DIXDC1: variants seen among roughly 807,000 people sequenced by gnomAD.
The protein encoded by DIXDC1 is DIX domain containing 1.
DIXDC1 carries 64 observed loss-of-function variants against 103.1 expected under a neutral mutation model. That is an observed-to-expected ratio of 0.62 (90% confidence interval 0.51 to 0.76). The LOEUF (loss-of-function observed/expected upper bound fraction) is 0.76. Among genes scored for constraint, DIXDC1 ranks in the 30% least tolerant of loss-of-function variants. The pLI, the probability that DIXDC1 is intolerant of heterozygous loss-of-function variation, is 0.00. For synonymous variants in DIXDC1, 266 were observed against 298.5 expected (o/e 0.89, Z 1.12); for missense variants, 759 against 834.2 (o/e 0.91, Z 1.11).
intron 15 of DIXDC1, 127 bp from the exon 16 acceptor site, chr11:111,995,276 G>A: frequency 1.4e-6 from 2 of 1,380,346 alleles, no homozygotes; most frequent in Non-Finnish European, 9.9e-7. Flanking sequence ...AAGAATTAGT[G>A]GGCAAACCAT....
chr11:112,016,780 G>A lies in DIXDC1; in HGVS notation c.1846G>A (p.Val616Ile), dbSNP rs1861604178. The A allele has an allele frequency of 6.2e-7, 1 of 1,606,322 alleles. No individual in the cohort carries two copies. Among genetic ancestry groups the A allele is most frequent in the Admixed American group, 1.7e-5 (1 of 59,118 alleles). Residue 616 changes from valine to isoleucine, a missense_variant, in exon 18 of 20, where the codon GTC (valine) becomes ATC (isoleucine). Physicochemically the swap from Val to Ile is conservative, Grantham distance 29. This residue lies in a region of DIXDC1 where 657 missense variants were observed against 727.5 expected (regional missense o/e 0.90). Transcript: ENST00000440460. ...TGACCGGTCACTTACGCCCTTCATG[G>A]TCAATATACCAAAGAGGTGAGATTC... ...FTDRSLTPFM[V>I]NIPKRLEEVT...
intron 5 of DIXDC1, among the ~76,000 whole-genome samples, chr11:111,980,505 G>A (rs1860261272): frequency 6.6e-6 from 1 of 152,194 alleles, no homozygotes; most frequent in Non-Finnish European, 1.5e-5. Flanking sequence ...CATCCTTGTT[G>A]TGGGAGAGAC....
intron 17 of DIXDC1, among the ~76,000 whole-genome samples, chr11:112,001,286 G>A (rs1368658325): frequency 6.6e-6 from 1 of 152,200 alleles, no homozygotes; most frequent in Non-Finnish European, 1.5e-5. Flanking sequence ...TTAGCCAGAT[G>A]CCAGGGTCAG....
At chr11:112,004,026 TTATATATATATA>T (rs34490826) in intron 17 of DIXDC1, among the ~76,000 whole-genome samples, 2 of 128,500 alleles carry the variant, frequency 1.6e-5, no homozygotes, top group East Asian at 4.4e-4. Context: ...AAAAAAAAAA[TTATATATATATA>T]TATATATATA....
At chr11:111,932,163 TG>T (rs1966043411) in intron 2 of DIXDC1, among the ~76,000 whole-genome samples, 1 of 151,032 alleles carries the variant, frequency 6.6e-6, no homozygotes, top group South Asian at 2.1e-4. Flanking sequence ...CCAGAGCAGC[TG>T]GGACTACAGG....
chr11:111,943,115 A>G (rs1319581310), intron 1 of DIXDC1, among the ~76,000 whole-genome samples: 1 of 152,028 alleles, frequency 6.6e-6, no homozygotes, highest in Non-Finnish European at 1.5e-5. Flanking sequence ...TGGACAATTT[A>G]TTTATTTTTT....
chr11:111,965,856 T>C (rs1859709957), intron 2 of DIXDC1, among the ~76,000 whole-genome samples: 1 of 152,228 alleles, frequency 6.6e-6, no homozygotes, highest in Non-Finnish European at 1.5e-5. Flanking sequence ...TAAGCAACTT[T>C]ACAAAGTCAC....
chr11:111,953,896 C>T (rs1966861007), intron 1 of DIXDC1, among the ~76,000 whole-genome samples: 1 of 151,992 alleles, frequency 6.6e-6, no homozygotes, highest in Non-Finnish European at 1.5e-5. Context: ...GTGGATTCAA[C>T]AAACTGCAGA....
At position 111,977,638 on chromosome 11, in the gene DIXDC1, G is replaced by A. The variant is rs1860156873; in HGVS notation, c.656+2655G>A. On this transcript the variant is annotated intron_variant, in intron 5 of 19. Transcript: ENST00000440460. The surrounding 1 kb of genome is among the most constrained non-coding windows in gnomAD (Gnocchi z 6.1). Reference sequence around the variant, plus strand: ...GCGAGCCGGGCCAGTAGCTTTGCTAGCTGGCCTTCCCGTGGAGGCGTTTTC... The same window carrying A: ...GCGAGCCGGGCCAGTAGCTTTGCTAACTGGCCTTCCCGTGGAGGCGTTTTC... 1.9e-6 allele frequency: 3 copies of A among 1,544,386 alleles called. No homozygotes were observed. The highest frequency in any genetic ancestry group is 2.6e-6 in the Non-Finnish European group (3 of 1,144,156).
chr11:111,940,370 T>C (rs1277327800), intron 1 of DIXDC1, among the ~76,000 whole-genome samples: 1 of 152,254 alleles, frequency 6.6e-6, no homozygotes, highest in Non-Finnish European at 1.5e-5. Flanking sequence ...ACTGCCACCC[T>C]GGCTGTCATC....
intron 1 of DIXDC1, chr11:111,927,430 T>C (rs1965860447): frequency 6.6e-6 from 1 of 152,574 alleles, no homozygotes; most frequent in Non-Finnish European, 1.5e-5. Flanking sequence ...ATTACCCAAG[T>C]TGATCATCCA....
intron 17 of DIXDC1, among the ~76,000 whole-genome samples, chr11:112,004,487 A>G (rs1345049520): frequency 6.6e-6 from 1 of 152,154 alleles, no homozygotes; most frequent in Non-Finnish European, 1.5e-5. Flanking sequence ...ACTATCTTGG[A>G]CTCAGATTGT....
chr11:111,969,605 G>A (rs1859845662), intron 3 of DIXDC1, among the ~76,000 whole-genome samples: 1 of 152,158 alleles, frequency 6.6e-6, no homozygotes, highest in Admixed American at 6.5e-5. Context: ...TTCTTAGAGA[G>A]CATAGGCTCC....
At chr11:111,953,335 T>C (rs1190249832) in intron 1 of DIXDC1, among the ~76,000 whole-genome samples, 1 of 152,030 alleles carries the variant, frequency 6.6e-6, no homozygotes, top group Non-Finnish European at 1.5e-5. Flanking sequence ...ATCCAAAAAA[T>C]AAATAATTAA....
At chr11:111,966,630 C>G (rs587703551) in intron 2 of DIXDC1, among the ~76,000 whole-genome samples, 9 of 152,226 alleles carry the variant, frequency 5.9e-5, no homozygotes, top group African/African-American at 2.2e-4. Context: ...GTCTCGATCT[C>G]TTGACCTCGT....
intron 8 of DIXDC1, among the ~76,000 whole-genome samples, chr11:111,986,035 T>C (rs1860478493): frequency 6.6e-6 from 1 of 152,212 alleles, no homozygotes; most frequent in South Asian, 2.1e-4. Flanking sequence ...CCAGTTTACA[T>C]TTCTAATTTC....
At chr11:111,989,168 T>G in intron 10 of DIXDC1, 113 bp downstream of exon 10, 1 of 823,870 alleles carries the variant, frequency 1.2e-6, no homozygotes. Flanking sequence ...TCTGTGCTAT[T>G]GGTAAAGAAA....
chr11:111,944,367 A>G (rs1555169178), intron 1 of DIXDC1, among the ~76,000 whole-genome samples: 1 of 152,170 alleles, frequency 6.6e-6, no homozygotes, highest in Non-Finnish European at 1.5e-5. Flanking sequence ...GATACCACAT[A>G]CTTCCCTGGT....
chr11:111,956,100 A>T (rs1373349881), intron 1 of DIXDC1, among the ~76,000 whole-genome samples: 1 of 152,118 alleles, frequency 6.6e-6, no homozygotes, highest in African/African-American at 2.4e-5. Flanking sequence ...TGAGGACATT[A>T]TGCTAACTGA....
Sources: allele counts gnomAD v4.1 joint callset (sites outside exome capture counted in the v4.1 genomes callset), GRCh38; gene constraint gnomAD v4.1.1; regional missense constraint gnomAD v4.1.1; non-coding constraint Gnocchi (gnomAD v3.1); transcripts MANE v1.5; gene names NCBI Gene and HGNC (gene_info 2026-07-23, HGNC 2026-07-21).